The following IQSEC1 variants were observed in gnomAD, a reference collection of about 807,000 sequenced individuals.
IQSEC1 encodes the protein IQ motif and SEC7 domain-containing protein 1.
In IQSEC1, 31 loss-of-function variants were observed where a neutral mutation model predicts 91.0. That is an observed-to-expected ratio of 0.34 (90% CI 0.26 to 0.46). The LOEUF (loss-of-function observed/expected upper bound fraction) is 0.46, where lower values mean the gene tolerates loss of function less well. Ranked by LOEUF, IQSEC1 falls within the 20% of genes least tolerant of loss-of-function variation. The pLI, the probability that IQSEC1 is intolerant of heterozygous loss-of-function variation, is 1.00. For synonymous variants in IQSEC1, 699 were observed against 662.6 expected, an observed-to-expected ratio of 1.05 and a Z score of -0.84; for missense variants, 1,388 against 1,575.6, an observed-to-expected ratio of 0.88 and a Z score of 2.02.
chr3:13,110,238 G>C (rs1485853142), intron 2 of IQSEC1, among the ~76,000 whole-genome samples: 1 of 152,034 alleles, frequency 6.6e-6, no homozygotes, highest in Non-Finnish European at 1.5e-5. Context: ...CATATAGGAG[G>C]TGTTATAGCA....
intron 1 of IQSEC1, among the ~76,000 whole-genome samples, chr3:13,167,848 T>C (rs1451216617): frequency 6.6e-6 from 1 of 152,246 alleles, no homozygotes; most frequent in Non-Finnish European, 1.5e-5. Context: ...GAAATCTACC[T>C]TTCCCAGATG....
Position 13,178,357 on chromosome 3 carries a change from AG to A in IQSEC1, c.273-14225del, listed in dbSNP as rs371735401. ...GCAATTTCAGACACTGGGAAGTGCTAGAAGCCAGGTCAGGGGTGTGGTCAAG... is the reference window on the plus strand; with the variant it reads ...GCAATTTCAGACACTGGGAAGTGCTAAAGCCAGGTCAGGGGTGTGGTCAAG... On this transcript the variant is annotated intron_variant, in intron 1 of 15. Transcript: ENST00000648114. Among the ~76,000 whole-genome samples, 47 of 152,374 alleles carry A rather than the reference AG, an allele frequency of 3.1e-4. 1 individual carries two copies. In the East Asian group the frequency reaches 8.9e-3, roughly 29 times the overall value.
At position 12,924,147 on chromosome 3, in the gene IQSEC1, G is replaced by A. The variant is rs1051635409; in HGVS notation, c.1730+434C>T. ...GAGTCAGGAGCAAACAGGGCATGCAGTCCATGCAGGAGGACAACAGCCAGG... is the reference window on the plus strand; with the variant it reads ...GAGTCAGGAGCAAACAGGGCATGCAATCCATGCAGGAGGACAACAGCCAGG... On this transcript the variant is annotated intron_variant, in intron 4 of 13. Coordinates refer to ENST00000613206, the MANE Select transcript of IQSEC1 (RefSeq NM_001134382.3). The surrounding 1 kb of genome is among the most constrained non-coding windows in gnomAD (Gnocchi z 6.3). Among the ~76,000 whole-genome samples the A allele has an allele frequency of 6.6e-6, 1 of 152,190 alleles. No individual in the cohort carries two copies. The highest frequency in any genetic ancestry group is 1.5e-5 in the Non-Finnish European group (1 of 68,034).
intron 1 of IQSEC1, among the ~76,000 whole-genome samples, chr3:13,174,833 T>TA (rs1553571634): frequency 8.9e-6 from 1 of 112,714 alleles, no homozygotes; most frequent in Non-Finnish European, 1.9e-5. Flanking sequence ...GTCTTTCTGC[T>TA]CCCCCCCCCC....
intron 1 of IQSEC1, among the ~76,000 whole-genome samples, chr3:12,959,818 A>G (rs1252683959): frequency 6.6e-6 from 1 of 152,222 alleles, no homozygotes; most frequent in African/African-American, 2.4e-5. Context: ...TACGTTGCAC[A>G]TTTTACATAA....
chr3:13,072,665 T>C (rs1705475654), intron 1 of IQSEC1, among the ~76,000 whole-genome samples: 1 of 152,238 alleles, frequency 6.6e-6, no homozygotes, highest in African/African-American at 2.4e-5. Flanking sequence ...AAACAGGCTA[T>C]GGGCTAAACC....
At chr3:13,060,902 A>AG (rs145366854) in intron 1 of IQSEC1, among the ~76,000 whole-genome samples, 7,867 of 152,262 alleles carry the variant, frequency 0.052, 276 homozygotes, top group Non-Finnish European at 0.078. Flanking sequence ...ACCTCAGCCC[A>AG]GGGGGGAGCC....
chr3:13,163,370 C>A (rs1465699082), intron 2 of IQSEC1, among the ~76,000 whole-genome samples: 4 of 152,188 alleles, frequency 2.6e-5, no homozygotes, highest in African/African-American at 9.7e-5. Context: ...CCAGAGGGGA[C>A]TGGGGGTCCG....
chr3:12,933,082 G>A (rs1697838161), intron 3 of IQSEC1, among the ~76,000 whole-genome samples: 1 of 152,234 alleles, frequency 6.6e-6, no homozygotes, highest in African/African-American at 2.4e-5. Flanking sequence ...GAAGGGGTGG[G>A]AACTGAGAGC....
At chr3:12,919,296 C>A (rs745455502) in intron 6 of IQSEC1, among the ~76,000 whole-genome samples, 131 of 152,328 alleles carry the variant, frequency 8.6e-4, no homozygotes, top group Middle Eastern at 6.8e-3. Flanking sequence ...CTGCTGGGTG[C>A]AGGGAATGGC....
intron 1 of IQSEC1, among the ~76,000 whole-genome samples, chr3:13,215,123 C>A (rs1156650581): frequency 6.6e-6 from 1 of 152,068 alleles, no homozygotes; most frequent in Non-Finnish European, 1.5e-5. Flanking sequence ...CTCTTTACCA[C>A]CAACCCCTCC....
In IQSEC1 at chr3:12,900,903, G is replaced by A. The variant is rs113175983; in HGVS notation, c.*80C>T. Reference sequence around the variant, plus strand: ...TGGCAACAGAAGTGCCCCGGGTTTGGTGTGCGGCTGGCGACCCCCGGGCGT... The same window carrying A: ...TGGCAACAGAAGTGCCCCGGGTTTGATGTGCGGCTGGCGACCCCCGGGCGT... On this transcript the variant is annotated 3_prime_UTR_variant, in exon 14 of 14. Coordinates refer to ENST00000613206, the MANE Select transcript of IQSEC1 (RefSeq NM_001134382.3). 0.018 allele frequency: 27,165 copies of A among 1,535,782 alleles called. 279 individuals are homozygous for A. The highest frequency in any genetic ancestry group is 0.021 in the Middle Eastern group (128 of 5,988).
chr3:13,163,756 T>C (rs1402526567), intron 2 of IQSEC1, among the ~76,000 whole-genome samples: 2 of 136,602 alleles, frequency 1.5e-5, no homozygotes, highest in Admixed American at 7.3e-5. Context: ...GCCCCAGGGG[T>C]GTCAGGTATA....
chr3:13,012,964 C>CTTTTTTTTTTTTTTTTTTT, intron 1 of IQSEC1, among the ~76,000 whole-genome samples: 1 of 97,516 alleles, frequency 1.0e-5, no homozygotes, highest in Non-Finnish European at 1.9e-5. Context: ...AAAGTCTGGG[C>CTTTTTTTTTTTTTTTTTTT]TTTTTTTTTT....
intron 1 of IQSEC1, among the ~76,000 whole-genome samples, chr3:12,971,036 C>T (rs994740536): frequency 6.6e-6 from 1 of 152,232 alleles, no homozygotes; most frequent in Non-Finnish European, 1.5e-5. Context: ...AACAGAGCCA[C>T]GCTCATCCAC....
chr3:13,154,438 C>CACATATATATATATATATATATATAT lies in IQSEC1; in HGVS notation c.302+9665_302+9666insATATATATATATATATATATATATGT, dbSNP rs1277879413. Among the ~76,000 whole-genome samples the CACATATATATATATATATATATATAT allele has an allele frequency of 1.3e-3, 28 of 20,758 alleles. 8 individuals are homozygous for CACATATATATATATATATATATATAT. Among genetic ancestry groups the CACATATATATATATATATATATATAT allele is most frequent in the South Asian group, 2.6e-3 (1 of 392 alleles). The allele number at this position is 20,758 out of a possible 152,430, so 13.6% of individuals were successfully genotyped here. The stretch of plus-strand genomic sequence containing the variant: ...ACACCAGGAAGCTGGAACTTACATG[C>CACATATATATATATATATATATATAT]ATATATATATATATATATATATATA... On this transcript the variant is annotated intron_variant, in intron 2 of 15. Coordinates refer to the IQSEC1 transcript ENST00000648114.
intron 1 of IQSEC1, among the ~76,000 whole-genome samples, chr3:13,010,076 T>A (rs1702810684): frequency 1.3e-5 from 2 of 152,210 alleles, no homozygotes; most frequent in Admixed American, 1.3e-4. Flanking sequence ...AAAATAGGGA[T>A]CATAACAAAC....
intron 1 of IQSEC1, among the ~76,000 whole-genome samples, chr3:12,953,136 C>A (rs553604151): frequency 6.6e-6 from 1 of 152,324 alleles, no homozygotes; most frequent in South Asian, 2.1e-4. Context: ...CTGAACTGAG[C>A]AAGCCAGGGG....
At chr3:13,064,302 T>C (rs995718390) in intron 1 of IQSEC1, among the ~76,000 whole-genome samples, 2 of 152,174 alleles carry the variant, frequency 1.3e-5, no homozygotes, top group African/African-American at 4.8e-5. Context: ...GCTCCTTAAA[T>C]CCAGAGCTTT....
Sources: allele counts gnomAD v4.1 joint callset (sites outside exome capture counted in the v4.1 genomes callset), GRCh38; gene constraint gnomAD v4.1.1; non-coding constraint Gnocchi (gnomAD v3.1); transcripts MANE v1.5; gene names NCBI Gene and HGNC (gene_info 2026-07-23, HGNC 2026-07-21).